CAPRIN1: variants seen among roughly 807,000 people sequenced by gnomAD.
CAPRIN1 encodes caprin-1.
A neutral mutation model predicts 100.9 loss-of-function variants in CAPRIN1; 29 were observed. The observed-to-expected ratio is 0.29, with a 90% CI of 0.21 to 0.39. The LOEUF is 0.39. Among genes scored for constraint, CAPRIN1 ranks in the 10% least tolerant of loss-of-function variants. CAPRIN1 has a pLI of 1.00. For missense variants in CAPRIN1, 795 were observed against 876.7 expected, an observed-to-expected ratio of 0.91 and a Z score of 1.18; for synonymous variants, 338 against 307.5, an observed-to-expected ratio of 1.10 and a Z score of -1.04.
At chr11:34,057,920 A>G (rs1850488008) in intron 2 of CAPRIN1, among the ~76,000 whole-genome samples, 1 of 151,108 alleles carries the variant, frequency 6.6e-6, no homozygotes, top group Admixed American at 6.6e-5. Context: ...GGATTTCACC[A>G]TGTTGGCCAG....
chr11:34,052,083 G>C (rs1850318991), intron 1 of CAPRIN1: 1 of 150,884 alleles, frequency 6.6e-6, no homozygotes, highest in South Asian at 2.1e-4. Context: ...GCCCTCCCCG[G>C]TAGGGACCGT....
chr11:34,052,964 A>G lies in CAPRIN1; in HGVS notation c.216+328A>G, dbSNP rs556282552. On this transcript the variant is annotated intron_variant, in intron 2 of 18. Coordinates refer to ENST00000341394, the MANE Select transcript of CAPRIN1 (RefSeq NM_005898.5). ...GGGCCTGTCGTCAGGACTTCACTGT[A>G]TGGTGCCCTTCTTTCCGTCTCTGAG... 4.2e-5 allele frequency: 48 copies of G among 1,130,058 alleles called. No homozygotes were observed. The African/African-American group carries it at 6.2e-4, about 15-fold the overall frequency. The allele number at this position is 1,130,058 out of a possible 1,614,324, so 70.0% of individuals were successfully genotyped here.
Position 34,091,992 on chromosome 11 carries a change from G to C in CAPRIN1, c.1641G>C (p.Gln547His), listed in dbSNP as rs1851273736. The change falls in exon 15 of 19, where the codon CAG (glutamine) becomes CAC (histidine). Residue 547 changes from glutamine (Q) to histidine (H), a missense_variant. Around this residue, in one of 3 missense-constraint regions of CAPRIN1, gnomAD observed 648 missense variants for 697.9 expected, o/e 0.93. Coordinates refer to ENST00000341394, the MANE Select transcript of CAPRIN1 (RefSeq NM_005898.5). ...ATCAGTACCAGGCCAGTTATAACCA[G>C]AGCTTTTCTAGTCAGCCTCACCAAG... ...QQNQYQASYN[Q>H]SFSSQPHQVE... is the part of the protein sequence containing the mutation. 1.2e-6 allele frequency: 2 copies of C among 1,614,146 alleles called. No individual in the cohort carries two copies.
chr11:34,102,356 C>T lies in CAPRIN1; in HGVS notation c.*2989C>T, dbSNP rs1851465872. Among the ~76,000 whole-genome samples the T allele has an allele frequency of 1.3e-5, 2 of 152,102 alleles. No homozygotes were observed. Among genetic ancestry groups the T allele is most frequent in the South Asian group, 4.1e-4 (2 of 4,830 alleles). ...AAACCCTTCATTTTATGTTTAAGCTCCTGAATCTGCATTCCACTTGGGTTG... is the reference window on the plus strand; with the variant it reads ...AAACCCTTCATTTTATGTTTAAGCTTCTGAATCTGCATTCCACTTGGGTTG... On this transcript the variant is annotated 3_prime_UTR_variant, in exon 19 of 19. Transcript: ENST00000341394.
intron 7 of CAPRIN1, 61 bp downstream of exon 7, chr11:34,079,826 A>G: frequency 6.6e-7 from 1 of 1,506,350 alleles, no homozygotes; most frequent in African/African-American, 1.4e-5. Context: ...ATTTTGCTAC[A>G]AATTTAAACT....
At chr11:34,082,325 T>C (rs1306987337) in intron 7 of CAPRIN1, among the ~76,000 whole-genome samples, 5 of 152,042 alleles carry the variant, frequency 3.3e-5, no homozygotes, top group Admixed American at 6.6e-5. Flanking sequence ...GTAGCTGGGA[T>C]TGCAGGCGTC....
Position 34,076,552 on chromosome 11 carries a change from A to G in CAPRIN1, c.606-8A>G. On this transcript the variant is annotated splice_polypyrimidine_tract_variant and splice_region_variant and intron_variant, in intron 5 of 18. Transcript: ENST00000341394. ...AAAGGTTATTAATTAGCTATTTACT[A>G]TTAAAAGGTTGAATGAACAGTATGA... 6.2e-7 allele frequency: 1 copy of G among 1,612,688 alleles called. No homozygotes were observed. The highest frequency in any genetic ancestry group is 1.1e-5 in the South Asian group (1 of 91,006).
chr11:34,070,541 C>T (rs891464454), intron 2 of CAPRIN1, among the ~76,000 whole-genome samples: 4 of 152,150 alleles, frequency 2.6e-5, no homozygotes, highest in East Asian at 3.9e-4. Flanking sequence ...ACTACAGTCT[C>T]GTACCACCAT....
At chr11:34,052,886 T>G in intron 2 of CAPRIN1, 2 of 1,356,690 alleles carry the variant, frequency 1.5e-6, no homozygotes, top group Non-Finnish European at 9.5e-7. Flanking sequence ...TTTATTACTC[T>G]TCCGCTGTGG....
chr11:34,080,914 A>C (rs1851016538), intron 7 of CAPRIN1, among the ~76,000 whole-genome samples: 1 of 152,208 alleles, frequency 6.6e-6, no homozygotes, highest in South Asian at 2.1e-4. Flanking sequence ...AATATAAGGC[A>C]ATCTTTTTCC....
chr11:34,084,288 C>T (rs547724817), intron 9 of CAPRIN1, among the ~76,000 whole-genome samples: 110 of 152,072 alleles, frequency 7.2e-4, no homozygotes, highest in Non-Finnish European at 1.4e-3. Flanking sequence ...AACTTCATCC[C>T]TCTGTTGGAG....
intron 11 of CAPRIN1, among the ~76,000 whole-genome samples, chr11:34,087,677 AC>A (rs1356185364): frequency 6.6e-6 from 1 of 152,192 alleles, no homozygotes; most frequent in Non-Finnish European, 1.5e-5. Context: ...CAAAGGTGAC[AC>A]CTACAAGAGA....
At chr11:34,092,784 A>AATTT (rs1256895101) in intron 15 of CAPRIN1, among the ~76,000 whole-genome samples, 1 of 152,120 alleles carries the variant, frequency 6.6e-6, no homozygotes, top group African/African-American at 2.4e-5. Flanking sequence ...GTTGAAACAT[A>AATTT]ATCTATTTTG....
intron 4 of CAPRIN1, among the ~76,000 whole-genome samples, chr11:34,075,518 C>T (rs987410110): frequency 1.3e-5 from 2 of 152,150 alleles, no homozygotes; most frequent in African/African-American, 4.8e-5. Context: ...TTTTCTCCAC[C>T]AGCATCATCT....
chr11:34,076,819 C>T (rs538070686), intron 6 of CAPRIN1, among the ~76,000 whole-genome samples, 177 bp downstream of exon 6: 49 of 151,762 alleles, frequency 3.2e-4, no homozygotes, highest in African/African-American at 6.0e-4. Flanking sequence ...CAGCAACCTC[C>T]GCCTCCCAGG....
intron 15 of CAPRIN1, among the ~76,000 whole-genome samples, chr11:34,093,994 T>C (rs1422583723): frequency 6.6e-6 from 1 of 152,154 alleles, no homozygotes; most frequent in Non-Finnish European, 1.5e-5. Context: ...TTTGTTTATT[T>C]TTAATTGAGA....
intron 6 of CAPRIN1, 32 bp downstream of exon 6, chr11:34,076,674 A>G (rs755024279): frequency 2.1e-6 from 3 of 1,399,436 alleles, no homozygotes; most frequent in South Asian, 2.4e-5. Flanking sequence ...TTGATTTTAT[A>G]ACTAGGAATC....
intron 2 of CAPRIN1, among the ~76,000 whole-genome samples, chr11:34,057,576 T>C (rs76124264): frequency 0.017 from 2,596 of 152,316 alleles, 53 homozygotes; most frequent in African/African-American, 0.059. Context: ...AGACTAGTAC[T>C]GTTTCATCTT....
In CAPRIN1 at chr11:34,092,084, C is replaced by G. The variant is rs777743108; in HGVS notation, c.1705+28C>G. 28 of 1,607,292 alleles carry G rather than the reference C, an allele frequency of 1.7e-5. 1 individual carries two copies. The Middle Eastern group carries it at 6.6e-4, about 38-fold the overall frequency. On this transcript the variant is annotated intron_variant, in intron 15 of 18. Transcript: ENST00000341394. ...ACGAAATCCAGTGTCACCTCATTGG[C>G]TCCTTGCTTTCCAGCACAGTTATTG...
Sources: allele counts gnomAD v4.1 joint callset (sites outside exome capture counted in the v4.1 genomes callset), GRCh38; gene constraint gnomAD v4.1.1; regional missense constraint gnomAD v4.1.1; transcripts MANE v1.5; gene names NCBI Gene and HGNC (gene_info 2026-07-23, HGNC 2026-07-21).